The following METTL15 variants were observed in gnomAD, a reference collection of about 807,000 sequenced individuals.
METTL15 encodes methyltransferase 15, mitochondrial 12S rRNA N4-cytidine.
METTL15 carries 34 observed loss-of-function variants against 38.3 expected under a neutral mutation model. The observed-to-expected ratio is 0.89, with a 90% CI of 0.68 to 1.18. The LOEUF (loss-of-function observed/expected upper bound fraction) is 1.18. Among genes scored for constraint, METTL15 ranks in the 50% most tolerant of loss-of-function variants. The probability of loss-of-function intolerance (pLI) is 0.00; values close to 1 mark genes in which losing one functional copy is unlikely to be tolerated. For synonymous variants in METTL15, 162 were observed against 170.9 expected, an observed-to-expected ratio of 0.95 and a Z score of 0.41; for missense variants, 438 against 498.4, an observed-to-expected ratio of 0.88 and a Z score of 1.15.
At chr11:28,401,058 G>T (rs185849396) in intron 5 of METTL15, among the ~76,000 whole-genome samples, 208 of 152,108 alleles carry the variant, frequency 1.4e-3, no homozygotes, top group African/African-American at 5.0e-3. Context: ...TAGAGCAAAA[G>T]ATAGAGTTGT....
At chr11:28,359,499 A>G (rs1463053098) in intron 4 of METTL15, among the ~76,000 whole-genome samples, 1 of 152,126 alleles carries the variant, frequency 6.6e-6, no homozygotes, top group Non-Finnish European at 1.5e-5. Context: ...AAATCTCCAA[A>G]CTGCTTTTCA....
At chr11:28,492,842 T>C (rs1404689411) in intron 6 of METTL15, among the ~76,000 whole-genome samples, 2 of 152,058 alleles carry the variant, frequency 1.3e-5, no homozygotes, top group African/African-American at 4.8e-5. Context: ...TAGTTGAAGA[T>C]CAGTAAGGAT....
intron 6 of METTL15, among the ~76,000 whole-genome samples, chr11:28,304,303 A>C (rs1431225321): frequency 6.6e-6 from 1 of 152,178 alleles, no homozygotes; most frequent in Admixed American, 6.6e-5. Flanking sequence ...GGGACATGTT[A>C]AGGTATATCT....
chr11:28,310,914 CTGGTGGTGGTGGTGGTGGTGGTGGTGG>C (rs1176508624), intron 6 of METTL15, among the ~76,000 whole-genome samples: 2 of 110,082 alleles, frequency 1.8e-5, no homozygotes, highest in African/African-American at 3.6e-5. Context: ...GCTGCTGCTG[CTGGTGGTGGTGGTGGTGGTGGTGGTGG>C]TGGTGGTGGT....
At chr11:28,143,669 G>T (rs1849778438) in intron 3 of METTL15, among the ~76,000 whole-genome samples, 1 of 152,186 alleles carries the variant, frequency 6.6e-6, no homozygotes, top group Admixed American at 6.5e-5. Context: ...GCCTTAGGAA[G>T]GGGAAAGTCA....
At chr11:28,490,491 G>A (rs1851485508) in intron 6 of METTL15, among the ~76,000 whole-genome samples, 1 of 152,060 alleles carries the variant, frequency 6.6e-6, no homozygotes, top group African/African-American at 2.4e-5. Flanking sequence ...GCTTAATTCA[G>A]TAGATCACAA....
At chr11:28,389,143 C>T (rs557044668) in intron 5 of METTL15, among the ~76,000 whole-genome samples, 29 of 151,956 alleles carry the variant, frequency 1.9e-4, no homozygotes, top group South Asian at 1.2e-3. Flanking sequence ...AATAAACATA[C>T]GTGTGCATGT....
chr11:28,389,656 G>A (rs1189915073), intron 5 of METTL15, among the ~76,000 whole-genome samples: 2 of 151,534 alleles, frequency 1.3e-5, no homozygotes, highest in Admixed American at 6.6e-5. Flanking sequence ...GTTGGTTCCA[G>A]GTCTTTGCTA....
At chr11:28,126,126 A>G (rs867479875) in intron 3 of METTL15, among the ~76,000 whole-genome samples, 2 of 152,070 alleles carry the variant, frequency 1.3e-5, no homozygotes, top group Non-Finnish European at 1.5e-5. Flanking sequence ...CAGAAAACCT[A>G]GAGTACACAT....
intron 4 of METTL15, among the ~76,000 whole-genome samples, chr11:28,214,792 T>C (rs1224359499): frequency 1.3e-5 from 2 of 152,180 alleles, no homozygotes; most frequent in Non-Finnish European, 2.9e-5. Flanking sequence ...ATCTACTGAA[T>C]AGTTAAAAAC....
chr11:28,450,675 C>T (rs1851113098), intron 6 of METTL15, among the ~76,000 whole-genome samples: 1 of 152,142 alleles, frequency 6.6e-6, no homozygotes, highest in South Asian at 2.1e-4. Flanking sequence ...CCTTATTGGA[C>T]TTTAGTGGAT....
At chr11:28,396,173 C>A (rs778221583) in intron 5 of METTL15, among the ~76,000 whole-genome samples, 23 of 152,216 alleles carry the variant, frequency 1.5e-4, no homozygotes, top group Non-Finnish European at 1.8e-4. Context: ...ATTCCCTTTG[C>A]AAACTGGCAC....
chr11:28,452,530 G>A (rs1209546115), intron 6 of METTL15, among the ~76,000 whole-genome samples: 2 of 152,182 alleles, frequency 1.3e-5, no homozygotes, highest in African/African-American at 4.8e-5. Context: ...AGATCACATG[G>A]TGGTGATGTT....
intron 3 of METTL15, among the ~76,000 whole-genome samples, chr11:28,160,649 C>T (rs1850423987): frequency 6.6e-6 from 1 of 151,982 alleles, no homozygotes; most frequent in Non-Finnish European, 1.5e-5. Context: ...CTTAAATTTG[C>T]CAAAGAACTT....
chr11:28,456,269 A>G (rs1278106719), intron 6 of METTL15, among the ~76,000 whole-genome samples: 1 of 151,976 alleles, frequency 6.6e-6, no homozygotes, highest in African/African-American at 2.4e-5. Flanking sequence ...CTCTGCCCCA[A>G]AGGATTGAGA....
At chr11:28,469,911 T>C (rs2133462884) in intron 6 of METTL15, among the ~76,000 whole-genome samples, 1 of 152,262 alleles carries the variant, frequency 6.6e-6, no homozygotes, top group African/African-American at 2.4e-5. Flanking sequence ...TTAAAACATA[T>C]TAGTGTTTAC....
chr11:28,218,024 G>A (rs1051640468), intron 4 of METTL15, among the ~76,000 whole-genome samples: 3 of 151,822 alleles, frequency 2.0e-5, no homozygotes, highest in South Asian at 4.2e-4. Flanking sequence ...TTGGCTTAGC[G>A]TGACTTGGCG....
chr11:28,449,167 C>A (rs947640830), intron 6 of METTL15, among the ~76,000 whole-genome samples: 4 of 152,110 alleles, frequency 2.6e-5, no homozygotes. Context: ...GCTAAAATAT[C>A]CTGAAAGTGG....
At chr11:28,287,050 CAT>C (rs1856296387) in intron 4 of METTL15, among the ~76,000 whole-genome samples, 2 of 149,350 alleles carry the variant, frequency 1.3e-5, no homozygotes, top group African/African-American at 4.9e-5. Flanking sequence ...TATATATGTA[CAT>C]ATATATGAGT....
Sources: gnomAD v4.1 joint callset for allele counts (sites outside exome capture counted in the v4.1 genomes callset) on GRCh38, gnomAD v4.1.1 for gene constraint, MANE v1.5 for transcripts, NCBI Gene and HGNC (gene_info 2026-07-23, HGNC 2026-07-21) for gene names.